Variants in CSMD1 observed in about 807,000 individuals in gnomAD.
CSMD1 encodes CUB and sushi domain-containing protein 1.
CSMD1 carries 213 observed loss-of-function variants against 417.5 expected under a neutral mutation model. That is an observed-to-expected ratio of 0.51 (90% CI 0.46 to 0.57). The LOEUF (loss-of-function observed/expected upper bound fraction) is 0.57. Ranked by LOEUF, CSMD1 falls within the 20% of genes least tolerant of loss-of-function variation. The probability of loss-of-function intolerance (pLI) is 0.00; values close to 1 mark genes in which losing one functional copy is unlikely to be tolerated. For synonymous variants in CSMD1, 2,862 were observed against 1,736.8 expected (o/e 1.65, Z -16.11); for missense variants, 6,923 against 4,529.7 (o/e 1.53, Z -15.17).
intron 2 of CSMD1, among the ~76,000 whole-genome samples, chr8:4,511,714 C>G (rs1802831690): frequency 6.6e-6 from 1 of 152,170 alleles, no homozygotes; most frequent in Non-Finnish European, 1.5e-5. Flanking sequence ...TGAACTGCTG[C>G]TGGCTCAGTG....
intron 54 of CSMD1, among the ~76,000 whole-genome samples, chr8:2,993,208 T>G (rs892234207): frequency 2.6e-5 from 4 of 152,194 alleles, no homozygotes; most frequent in African/African-American, 9.6e-5. Context: ...CTAAGAACAA[T>G]GTATAAAGGC....
chr8:4,370,521 G>C (rs189333850), intron 3 of CSMD1, among the ~76,000 whole-genome samples: 1 of 152,312 alleles, frequency 6.6e-6, no homozygotes, highest in South Asian at 2.1e-4. Context: ...TGGACTATAT[G>C]TTCAAATGTG....
chr8:3,452,088 G>T (rs931650458), intron 12 of CSMD1, among the ~76,000 whole-genome samples: 1 of 152,106 alleles, frequency 6.6e-6, no homozygotes. Context: ...ATTGTGAATG[G>T]GAGTTCACTC....
At chr8:3,318,547 A>T (rs541926656) in intron 23 of CSMD1, among the ~76,000 whole-genome samples, 65 of 152,346 alleles carry the variant, frequency 4.3e-4, no homozygotes, top group Middle Eastern at 3.4e-3. Flanking sequence ...CCATTCATTA[A>T]TTCAACACAT....
chr8:3,578,097 A>T (rs1263766554), intron 9 of CSMD1, among the ~76,000 whole-genome samples: 1 of 152,196 alleles, frequency 6.6e-6, no homozygotes, highest in Non-Finnish European at 1.5e-5. Flanking sequence ...GAGAAGAGCC[A>T]ACATACAGTC....
intron 5 of CSMD1, among the ~76,000 whole-genome samples, chr8:3,879,448 T>A (rs1585130729): frequency 6.6e-6 from 1 of 152,140 alleles, no homozygotes; most frequent in Non-Finnish European, 1.5e-5. Context: ...TTGAGAACAA[T>A]GTCCCAGGTT....
At chr8:3,978,498 T>C (rs763885968) in intron 5 of CSMD1, among the ~76,000 whole-genome samples, 1 of 152,194 alleles carries the variant, frequency 6.6e-6, no homozygotes, top group Non-Finnish European at 1.5e-5. Flanking sequence ...TTTACTTCAA[T>C]ACATTCTACC....
At chr8:4,198,915 G>A (rs989021066) in intron 3 of CSMD1, among the ~76,000 whole-genome samples, 10 of 151,238 alleles carry the variant, frequency 6.6e-5, no homozygotes, top group African/African-American at 1.5e-4. Context: ...TTCCTTCCAC[G>A]CAGGTTTTTT....
chr8:3,371,777 C>T (rs1407038004), intron 18 of CSMD1, among the ~76,000 whole-genome samples: 2 of 152,032 alleles, frequency 1.3e-5, no homozygotes, highest in Non-Finnish European at 2.9e-5. Context: ...TAAAAATCGG[C>T]AAAAGAGAAA....
intron 8 of CSMD1, among the ~76,000 whole-genome samples, chr8:3,611,503 C>A (rs757416346): frequency 2.6e-5 from 4 of 151,748 alleles, no homozygotes; most frequent in Non-Finnish European, 5.9e-5. Flanking sequence ...TTTATAAAAA[C>A]TGAATGAGTC....
intron 6 of CSMD1, among the ~76,000 whole-genome samples, chr8:3,723,669 G>C (rs960953748): frequency 6.6e-6 from 1 of 150,940 alleles, no homozygotes; most frequent in Non-Finnish European, 1.5e-5. Context: ...AAAACTTAAA[G>C]ACTTTTTTTG....
At chr8:3,507,180 TC>T (rs1182871749) in intron 10 of CSMD1, among the ~76,000 whole-genome samples, 2 of 152,200 alleles carry the variant, frequency 1.3e-5, no homozygotes, top group Non-Finnish European at 2.9e-5. Context: ...AGAGGGGAAC[TC>T]AATTGTGAAT....
At chr8:4,143,287 G>A (rs1221915049) in intron 3 of CSMD1, among the ~76,000 whole-genome samples, 3 of 150,670 alleles carry the variant, frequency 2.0e-5, no homozygotes, top group Non-Finnish European at 4.4e-5. Context: ...TTCTCCTTCA[G>A]GCCACAGCTT....
intron 1 of CSMD1, among the ~76,000 whole-genome samples, chr8:4,718,679 A>T (rs977625807): frequency 6.6e-6 from 1 of 152,130 alleles, no homozygotes; most frequent in African/African-American, 2.4e-5. Context: ...TTAAACTAAG[A>T]AAGAATTCAA....
At chr8:4,821,947 C>T (rs11785217) in intron 1 of CSMD1, among the ~76,000 whole-genome samples, 3 of 151,920 alleles carry the variant, frequency 2.0e-5, no homozygotes, top group Admixed American at 1.3e-4. Flanking sequence ...ATAATCTAAT[C>T]GAATAAAGCT....
At chr8:4,075,956 C>G (rs1340017909) in intron 3 of CSMD1, among the ~76,000 whole-genome samples, 1 of 152,200 alleles carries the variant, frequency 6.6e-6, no homozygotes, top group African/African-American at 2.4e-5. Context: ...TACTCTTTCC[C>G]TCTAAGTTTT....
intron 10 of CSMD1, among the ~76,000 whole-genome samples, chr8:3,513,473 G>A (rs1056166287): frequency 6.6e-6 from 1 of 151,976 alleles, no homozygotes; most frequent in Admixed American, 6.6e-5. Flanking sequence ...TTACAGGCCT[G>A]TTGTGGGATC....
At chr8:3,814,715 A>C (rs912262925) in intron 5 of CSMD1, among the ~76,000 whole-genome samples, 25 of 152,284 alleles carry the variant, frequency 1.6e-4, no homozygotes, top group Admixed American at 7.8e-4. Flanking sequence ...GCTGATTCTG[A>C]AGTAGAAATC....
chr8:4,245,543 C>G (rs920495296), intron 3 of CSMD1, among the ~76,000 whole-genome samples: 25 of 152,248 alleles, frequency 1.6e-4, no homozygotes, highest in African/African-American at 5.8e-4. Flanking sequence ...TGCTGGGATG[C>G]TAAACATGAG....
Sources: gnomAD v4.1 joint callset for allele counts (sites outside exome capture counted in the v4.1 genomes callset) on GRCh38, gnomAD v4.1.1 for gene constraint, MANE v1.5 for transcripts, NCBI Gene and HGNC (gene_info 2026-07-23, HGNC 2026-07-21) for gene names.